Variants in FAM161A observed in about 807,000 individuals in gnomAD.
The protein encoded by FAM161A is protein FAM161A.
Under a neutral mutation model 70.9 loss-of-function variants are expected in FAM161A, and 57 were observed. That is an observed-to-expected ratio of 0.80 (90% CI 0.65 to 1.00). FAM161A has a LOEUF of 1.00. Ranked by LOEUF, FAM161A falls within the 50% of genes least tolerant of loss-of-function variation. FAM161A has a pLI of 0.00. For synonymous variants in FAM161A, 299 were observed against 295.7 expected, an observed-to-expected ratio of 1.01 and a Z score of -0.12; for missense variants, 880 against 836.0, an observed-to-expected ratio of 1.05 and a Z score of -0.65.
At chr2:61,846,840 G>A (rs944019661) in intron 1 of FAM161A, 17 of 429,806 alleles carry the variant, frequency 4.0e-5, no homozygotes, top group South Asian at 2.0e-4. Context: ...GCAGCAGTTC[G>A]TTTTAGTAGC....
chr2:61,813,358 T>C, the FAM161A span, among the ~76,000 whole-genome samples: 2 of 149,640 alleles, frequency 1.3e-5, no homozygotes, highest in Admixed American at 6.7e-5. Context: ...CTGGCCAATA[T>C]GGTGACACCT....
intron 3 of FAM161A, among the ~76,000 whole-genome samples, 187 bp from the exon 4 acceptor site, chr2:61,838,892 A>ATTTT (rs746321568): frequency 0.12 from 15,111 of 129,908 alleles, 1,025 homozygotes; most frequent in Middle Eastern, 0.16. Flanking sequence ...TTATTTATTT[A>ATTTT]TTTTTTTTGA....
chr2:61,827,180 T>C lies in FAM161A; in HGVS notation c.1930A>G (p.Lys644Glu). The C allele has an allele frequency of 6.2e-7, 1 of 1,614,042 alleles. No individual in the cohort carries two copies. The highest frequency in any genetic ancestry group is 8.5e-7 in the Non-Finnish European group (1 of 1,179,998). Residue 644 changes from lysine (K) to glutamate (E), a missense_variant, in exon 6 of 7, where the codon AAG (lysine) becomes GAG (glutamate). Transcript: ENST00000404929. ...AGTACTTTTCCACTTTGGCCTTTCT[T>C]TGAAACAAACTCATCAGATATTCCT... is the stretch of plus-strand genomic sequence containing the variant. ...ALGISDEFVS[K>E]KGQSGKVLEY...
the FAM161A span, among the ~76,000 whole-genome samples, chr2:61,811,643 G>A: frequency 1.3e-5 from 2 of 152,074 alleles, no homozygotes; most frequent in Non-Finnish European, 2.9e-5. Flanking sequence ...AAAGTGCTGG[G>A]ATTACAGGCA....
chr2:61,826,488 A>T lies in FAM161A; in HGVS notation c.2118T>A (p.Ser706Arg). 1 of 1,609,668 alleles carries T rather than the reference A, an allele frequency of 6.2e-7. No homozygotes were observed. Among genetic ancestry groups the T allele is most frequent in the South Asian group, 1.1e-5 (1 of 90,374 alleles). ...YKEKDEANEESEEEKSVEESH is the reference protein window; with the variant it reads ...YKEKDEANEEREEEKSVEESH ...ATTCTTCAACAGATTTCTCTTCTTC[A>T]CTTTCCTCATTGGCTTCATCTTTTT... The change falls in exon 7 of 7, where the codon AGT becomes AGA. Residue 706 changes from serine (S) to arginine (R), a missense_variant. Physicochemically the swap from Ser to Arg is moderately radical, Grantham distance 110. Transcript: ENST00000404929.
At chr2:61,822,803 T>C (rs1161735121), downstream of FAM161A, among the ~76,000 whole-genome samples, 2 of 151,748 alleles carry the variant, frequency 1.3e-5, no homozygotes, top group Non-Finnish European at 2.9e-5. Context: ...TTGGCCAGGC[T>C]GGTCTCAAAC....
intron 1 of FAM161A, among the ~76,000 whole-genome samples, chr2:61,844,561 T>C (rs192840402): frequency 1.0e-3 from 158 of 152,182 alleles, no homozygotes; most frequent in Non-Finnish European, 6.6e-4. Flanking sequence ...TAGCCAGGCA[T>C]GGTGGCAGGT....
chr2:61,808,528 T>A, the FAM161A span, among the ~76,000 whole-genome samples: 1 of 152,142 alleles, frequency 6.6e-6, no homozygotes, highest in Non-Finnish European at 1.5e-5. Context: ...CTCCTTGGCC[T>A]CCCAAAGTGC....
intron 1 of FAM161A, among the ~76,000 whole-genome samples, chr2:61,843,871 C>A: frequency 6.6e-6 from 1 of 152,126 alleles, no homozygotes; most frequent in East Asian, 1.9e-4. Flanking sequence ...AGGCCGGGCA[C>A]GGTGGCTCAC....
chr2:61,811,113 A>G, the FAM161A span, among the ~76,000 whole-genome samples: 1 of 135,910 alleles, frequency 7.4e-6, no homozygotes, highest in South Asian at 2.2e-4. Context: ...CATATCCTGA[A>G]TCCAATATTT....
At chr2:61,823,839 T>A (rs944773931), downstream of FAM161A, among the ~76,000 whole-genome samples, 2 of 152,114 alleles carry the variant, frequency 1.3e-5, no homozygotes, top group Non-Finnish European at 2.9e-5. Context: ...TGATGTTAGG[T>A]TACTCTTGTA....
At chr2:61,824,193 A>ATTTTT (rs5831622), downstream of FAM161A, among the ~76,000 whole-genome samples, 2 of 127,830 alleles carry the variant, frequency 1.6e-5, no homozygotes, top group African/African-American at 2.9e-5. Context: ...CGCCTGGCTA[A>ATTTTT]TTTTTTTTTT....
At chr2:61,842,551 C>A (rs952108199) in intron 1 of FAM161A, among the ~76,000 whole-genome samples, 191 bp from the exon 2 acceptor site, 2 of 152,072 alleles carry the variant, frequency 1.3e-5, no homozygotes, top group Admixed American at 6.6e-5. Context: ...ATTTTAAGAA[C>A]GAGAGGGAGC....
At chr2:61,830,683 CAA>C (rs10633119) in intron 5 of FAM161A, among the ~76,000 whole-genome samples, 4 of 82,116 alleles carry the variant, frequency 4.9e-5, no homozygotes, top group South Asian at 5.0e-4. Context: ...GACCCTGTCT[CAA>C]AAAAAAAAAA....
At position 61,839,942 on chromosome 2, in the gene FAM161A, T is replaced by A; in HGVS notation, c.1062A>T (p.Arg354=). 6.2e-7 allele frequency: 1 copy of A among 1,614,224 alleles called. No individual in the cohort carries two copies. Among genetic ancestry groups the A allele is most frequent in the Non-Finnish European group, 8.5e-7 (1 of 1,180,034 alleles). The change falls in exon 3 of 7, where the codon CGA becomes CGT. Residue 354 remains arginine, a synonymous_variant. Coordinates refer to ENST00000404929, the MANE Select transcript of FAM161A (RefSeq NM_001201543.2). ...ATCGAGGAATGGGTCTGGCTTTAAA[T>A]CGATTTGTTTTCTTTTTATACTTAA... The part of the protein sequence containing the change: ...DFLKYKKKTN[R]FKARPIPRST...
chr2:61,848,893 TA>T (rs1673344792), intron 1 of FAM161A, among the ~76,000 whole-genome samples: 1 of 6,142 alleles, frequency 1.6e-4, no homozygotes, highest in African/African-American at 5.1e-4. Flanking sequence ...TATTTATATA[TA>T]TTTATATATA....
Position 61,839,892 on chromosome 2 carries a change from T to C in FAM161A, c.1112A>G (p.Asp371Gly). Residue 371 changes from aspartate (D) to glycine (G), a missense_variant, in exon 3 of 7, where the codon GAC becomes GGC. By Grantham distance (94) the Asp-to-Gly change is moderately conservative (BLOSUM62 -1). Coordinates refer to ENST00000404929, the MANE Select transcript of FAM161A (RefSeq NM_001201543.2). ...PRSTYGSTTNDKLKEEELYRN... is the reference protein window; with the variant it reads ...PRSTYGSTTNGKLKEEELYRN... ...ATAGAGCTCTTCTTCTTTTAACTTG[T>C]CATTGGTAGTTGAACCATAAGTAGA... The C allele has an allele frequency of 1.2e-6, 2 of 1,614,240 alleles. No homozygotes were observed. Among genetic ancestry groups the C allele is most frequent in the Non-Finnish European group, 1.7e-6 (2 of 1,180,044 alleles).
downstream of FAM161A, among the ~76,000 whole-genome samples, chr2:61,824,024 T>C (rs1024263929): frequency 1.3e-5 from 2 of 151,100 alleles, no homozygotes; most frequent in African/African-American, 2.4e-5. Flanking sequence ...ATTTGATGTC[T>C]TTTTTTTCTT....
In FAM161A at chr2:61,854,004, G is replaced by C. The variant is rs779587011; in HGVS notation, c.38C>G (p.Ser13Cys). 7 of 1,612,960 alleles carry C rather than the reference G, an allele frequency of 4.3e-6. No individual in the cohort carries two copies. Among genetic ancestry groups the C allele is most frequent in the African/African-American group, 1.3e-5 (1 of 74,930 alleles). ...GGGATTTACCGGGGTCTGGAGACTG[G>C]AGGCCACCAGCTTCGCCACTCGGTG... Reference protein sequence around the residue: ...TSHRVAKLVASSLQTPVNPIT... With the variant: ...TSHRVAKLVACSLQTPVNPIT... Residue 13 changes from serine (S) to cysteine (C), a missense_variant, in exon 1 of 7, where the codon TCC (serine) becomes TGC (cysteine). Physicochemically the swap from Ser to Cys is moderately radical, Grantham distance 112. Coordinates refer to ENST00000404929, the MANE Select transcript of FAM161A (RefSeq NM_001201543.2).
Sources: allele counts gnomAD v4.1 joint callset (sites outside exome capture counted in the v4.1 genomes callset), GRCh38; gene constraint gnomAD v4.1.1; transcripts MANE v1.5; gene names NCBI Gene and HGNC (gene_info 2026-07-23, HGNC 2026-07-21).